Variants in LRRC18 observed in about 807,000 individuals in gnomAD.
LRRC18 encodes leucine rich repeat containing 18, also known as leucine-rich repeat-containing protein 18.
A neutral mutation model predicts 11.2 loss-of-function variants in LRRC18; 12 were observed. That is an observed-to-expected ratio of 1.07 (90% CI 0.69 to 1.74). The LOEUF is 1.74. LRRC18 is among the 40% of genes most tolerant of loss of function. LRRC18 has a pLI of 0.00. For missense variants in LRRC18, 374 were observed against 330.5 expected (o/e 1.13, Z -1.02); for synonymous variants, 155 against 130.6 (o/e 1.19, Z -1.27).
chr10:48,931,702 T>A, the LRRC18 span, among the ~76,000 whole-genome samples: 1 of 152,198 alleles, frequency 6.6e-6, no homozygotes, highest in African/African-American at 2.4e-5. Context: ...TGCTGCAATG[T>A]CTAATCCTAA....
chr10:48,928,389 T>C, the LRRC18 span, among the ~76,000 whole-genome samples: 3 of 150,708 alleles, frequency 2.0e-5, no homozygotes, highest in African/African-American at 7.4e-5. Context: ...TGTGTGTGTG[T>C]GTGTGTGTTG....
the LRRC18 span, among the ~76,000 whole-genome samples, chr10:48,923,109 A>G: frequency 6.6e-6 from 1 of 152,102 alleles, no homozygotes; most frequent in Admixed American, 6.5e-5. Flanking sequence ...TGTTCCTCTC[A>G]CTGTGTCTGC....
the LRRC18 span, among the ~76,000 whole-genome samples, chr10:48,938,863 C>T: frequency 6.6e-6 from 1 of 152,200 alleles, no homozygotes; most frequent in Non-Finnish European, 1.5e-5. Flanking sequence ...GAGGTGGACA[C>T]CTGTCCTGGG....
exon 1 of LRRC18, chr10:48,913,720 G>C: frequency 6.2e-7 from 1 of 1,612,910 alleles, no homozygotes; most frequent in Non-Finnish European, 8.5e-7. Context: ...ACCTCGTGGA[G>C]CTCCTTCAGG....
At chr10:48,932,854 TAAG>T in the LRRC18 span, among the ~76,000 whole-genome samples, 1 of 152,214 alleles carries the variant, frequency 6.6e-6, no homozygotes, top group Non-Finnish European at 1.5e-5. Context: ...ACTAGAATGC[TAAG>T]AAGAAGCCAC....
chr10:48,910,832 T>C (rs1189449746), intron 1 of LRRC18: 2 of 801,606 alleles, frequency 2.5e-6, no homozygotes, highest in Non-Finnish European at 3.0e-6. Context: ...TGGCAAGAAG[T>C]GTGCTGCAGC....
chr10:48,929,490 G>A, the LRRC18 span, among the ~76,000 whole-genome samples: 1 of 152,166 alleles, frequency 6.6e-6, no homozygotes, highest in African/African-American at 2.4e-5. Context: ...TGGGTTAGAG[G>A]CTGCCTCTGC....
chr10:48,924,089 T>C, the LRRC18 span, among the ~76,000 whole-genome samples: 1 of 152,186 alleles, frequency 6.6e-6, no homozygotes, highest in South Asian at 2.1e-4. Flanking sequence ...TGCCCATTAA[T>C]CACCTCAAGG....
At chr10:48,939,452 A>G in the LRRC18 span, among the ~76,000 whole-genome samples, 772 of 152,240 alleles carry the variant, frequency 5.1e-3, 3 homozygotes, top group African/African-American at 0.018. Flanking sequence ...AGTGGTGGAG[A>G]TAGAATTTAG....
the LRRC18 span, among the ~76,000 whole-genome samples, chr10:48,930,859 A>G: frequency 6.6e-6 from 1 of 152,182 alleles, no homozygotes; most frequent in Non-Finnish European, 1.5e-5. Flanking sequence ...TGAAAGAAAC[A>G]TTTGTCCGTG....
At chr10:48,926,439 G>T in the LRRC18 span, among the ~76,000 whole-genome samples, 1 of 152,150 alleles carries the variant, frequency 6.6e-6, no homozygotes, top group South Asian at 2.1e-4. Context: ...AGGATGGTGT[G>T]CACTCTGGCT....
chr10:48,935,670 T>G, the LRRC18 span, among the ~76,000 whole-genome samples: 1 of 152,264 alleles, frequency 6.6e-6, no homozygotes, highest in Non-Finnish European at 1.5e-5. Context: ...TGTTTCTCTT[T>G]GCACCCTTTT....
the LRRC18 span, among the ~76,000 whole-genome samples, chr10:48,923,617 T>C: frequency 2.6e-5 from 4 of 151,928 alleles, no homozygotes; most frequent in East Asian, 7.8e-4. Flanking sequence ...TAGTGCTTAC[T>C]CATGCATTCG....
At chr10:48,925,544 A>G in the LRRC18 span, among the ~76,000 whole-genome samples, 1 of 152,234 alleles carries the variant, frequency 6.6e-6, no homozygotes, top group Non-Finnish European at 1.5e-5. Flanking sequence ...CCTTGGGGGT[A>G]TAAACATAAA....
At chr10:48,928,353 C>CGTGTGTGTGTGTGTGTGT in the LRRC18 span, among the ~76,000 whole-genome samples, 42 of 125,044 alleles carry the variant, frequency 3.4e-4, 1 homozygote, top group South Asian at 6.4e-4. Context: ...TTGGTTTTGA[C>CGTGTGTGTGTGTGTGTGT]GTGTGTGTGT....
chr10:48,911,297 G>A (rs1246298239), intron 1 of LRRC18, among the ~76,000 whole-genome samples: 6 of 152,306 alleles, frequency 3.9e-5, no homozygotes, highest in Non-Finnish European at 5.9e-5. Flanking sequence ...CAAGGATGCC[G>A]GGAAATGGGT....
exon 2 of LRRC18, chr10:48,910,214 T>C (rs1837871258): frequency 3.8e-6 from 6 of 1,567,594 alleles, no homozygotes; most frequent in Non-Finnish European, 4.4e-6. Flanking sequence ...CTGAGTAGTC[T>C]TCAAGATTTT....
At chr10:48,915,000 G>T (rs950013309), upstream of LRRC18, among the ~76,000 whole-genome samples, 1 of 152,186 alleles carries the variant, frequency 6.6e-6, no homozygotes, top group African/African-American at 2.4e-5. Flanking sequence ...CTGCCTCAGT[G>T]CAGGGAAGCA....
chr10:48,934,980 G>A, the LRRC18 span, among the ~76,000 whole-genome samples: 7 of 152,302 alleles, frequency 4.6e-5, no homozygotes, highest in South Asian at 1.4e-3. Flanking sequence ...CTGGGGCTCA[G>A]GCAAGCTTCC....
Sources: allele counts gnomAD v4.1 joint callset (sites outside exome capture counted in the v4.1 genomes callset), GRCh38; gene constraint gnomAD v4.1.1; transcripts MANE v1.5; gene names NCBI Gene and HGNC (gene_info 2026-07-23, HGNC 2026-07-21).